The following VPS13C variants were observed in gnomAD, a reference collection of about 807,000 sequenced individuals.
VPS13C encodes vacuolar protein sorting 13 homolog C, also known as intermembrane lipid transfer protein VPS13C.
A neutral mutation model predicts 456.8 loss-of-function variants in VPS13C; 358 were observed. The ratio of observed to expected loss-of-function variants is 0.78; its 90% CI spans 0.72 to 0.86. VPS13C has a LOEUF of 0.86. VPS13C is among the 40% of genes least tolerant of loss of function. The pLI, the probability that VPS13C is intolerant of heterozygous loss-of-function variation, is 0.00. For synonymous variants in VPS13C, 1,578 were observed against 1,486.7 expected, an observed-to-expected ratio of 1.06 and a Z score of -1.41; for missense variants, 4,818 against 4,385.4, an observed-to-expected ratio of 1.10 and a Z score of -2.79.
At chr15:62,028,770 G>A (rs2047721338) in intron 5 of VPS13C, among the ~76,000 whole-genome samples, 1 of 151,924 alleles carries the variant, frequency 6.6e-6, no homozygotes, top group Non-Finnish European at 1.5e-5. Context: ...ATGCCATTTT[G>A]TCCATTTTCA....
chr15:61,924,377 C>T (rs2043772465), intron 53 of VPS13C, among the ~76,000 whole-genome samples: 1 of 152,222 alleles, frequency 6.6e-6, no homozygotes, highest in African/African-American at 2.4e-5. Context: ...GGCCATGCCT[C>T]TAGCACTGAA....
In VPS13C at chr15:62,060,283, A is replaced by C; in HGVS notation, c.92T>G (p.Ile31Ser). ...CGCGCCCTCTCGCTTACCGCCCCAG[A>C]TGCCCAGCTTCAGCTGGGACTTGTT... The part of the protein sequence containing the change: ...NLNKSQLKLG[I>S]WGGNVALDNL... The change falls in exon 1 of 85, where the codon ATC becomes AGC. Residue 31 changes from isoleucine to serine, a missense_variant. Ile to Ser is a moderately radical substitution (Grantham distance 142). Coordinates refer to ENST00000644861, the MANE Select transcript of VPS13C (RefSeq NM_020821.3). 4 of 1,604,906 alleles carry C rather than the reference A, an allele frequency of 2.5e-6. No homozygotes were observed. Among genetic ancestry groups the C allele is most frequent in the Non-Finnish European group, 3.4e-6 (4 of 1,176,318 alleles).
chr15:62,003,034 T>C (rs902154018), intron 15 of VPS13C, among the ~76,000 whole-genome samples: 2 of 152,166 alleles, frequency 1.3e-5, no homozygotes, highest in African/African-American at 4.8e-5. Flanking sequence ...AACTTTAAAG[T>C]AGTTTTTTCC....
intron 37 of VPS13C, among the ~76,000 whole-genome samples, chr15:61,956,153 G>A (rs1055124923): frequency 6.6e-6 from 1 of 152,094 alleles, no homozygotes; most frequent in Non-Finnish European, 1.5e-5. Context: ...CCACAGAAAA[G>A]AATGAAATCA....
At chr15:62,028,975 T>C (rs2047726691) in intron 5 of VPS13C, among the ~76,000 whole-genome samples, 1 of 152,076 alleles carries the variant, frequency 6.6e-6, no homozygotes, top group African/African-American at 2.4e-5. Context: ...TGCAAGTTTT[T>C]CCTTAAATCA....
intron 63 of VPS13C, among the ~76,000 whole-genome samples, chr15:61,910,892 T>A (rs1405685490): frequency 3.3e-5 from 5 of 152,136 alleles, no homozygotes; most frequent in Non-Finnish European, 7.4e-5. Flanking sequence ...GTAAATTCTA[T>A]TTCTGAATAA....
chr15:61,876,924 G>C (rs1895465786), intron 75 of VPS13C, 49 bp downstream of exon 75: 1 of 1,398,340 alleles, frequency 7.2e-7, no homozygotes. Context: ...CAAATGTTTT[G>C]ATATTTTATG....
intron 14 of VPS13C, 32 bp downstream of exon 14, chr15:62,008,623 C>A: frequency 6.8e-7 from 1 of 1,480,896 alleles, no homozygotes; most frequent in Non-Finnish European, 9.3e-7. Flanking sequence ...ATTATATGTT[C>A]CTCACAAAAC....
intron 9 of VPS13C, among the ~76,000 whole-genome samples, chr15:62,017,468 T>C (rs1453611568): frequency 2.6e-5 from 4 of 152,136 alleles, no homozygotes; most frequent in Non-Finnish European, 4.4e-5. Context: ...TTGTATAAGG[T>C]GTAAGGAAGG....
intron 66 of VPS13C, among the ~76,000 whole-genome samples, chr15:61,891,584 T>C (rs1330586767): frequency 6.6e-6 from 1 of 152,240 alleles, no homozygotes; most frequent in Non-Finnish European, 1.5e-5. Context: ...ATCTATTTCA[T>C]GTGAAGTACA....
At chr15:62,043,118 AT>A (rs1468636043) in intron 2 of VPS13C, among the ~76,000 whole-genome samples, 5 of 151,978 alleles carry the variant, frequency 3.3e-5, no homozygotes, top group Non-Finnish European at 7.4e-5. Flanking sequence ...TCAGGTCTAC[AT>A]TTTTGTTTAA....
chr15:61,874,811 TAAC>T (rs1196004728), intron 77 of VPS13C, 62 bp downstream of exon 77: 36 of 1,395,326 alleles, frequency 2.6e-5, no homozygotes, highest in Non-Finnish European at 3.2e-5. Context: ...TTGTTTTTCA[TAAC>T]AACGTATTTC....
chr15:62,023,067 C>T (rs1033013836), intron 8 of VPS13C, among the ~76,000 whole-genome samples: 11 of 151,984 alleles, frequency 7.2e-5, no homozygotes, highest in African/African-American at 2.7e-4. Context: ...TTATTCATCA[C>T]CTTTTAGAAT....
intron 23 of VPS13C, among the ~76,000 whole-genome samples, chr15:61,977,936 G>A (rs2045754661): frequency 6.6e-6 from 1 of 151,950 alleles, no homozygotes; most frequent in Non-Finnish European, 1.5e-5. Context: ...TCCTACTAGA[G>A]TATAAACTCT....
intron 1 of VPS13C, among the ~76,000 whole-genome samples, chr15:62,045,813 G>A (rs1440035191): frequency 6.6e-6 from 1 of 151,972 alleles, no homozygotes; most frequent in Non-Finnish European, 1.5e-5. Context: ...TAAATGTCCA[G>A]GAAGAAGGCA....
chr15:61,966,021 C>A, intron 30 of VPS13C, 62 bp downstream of exon 30: 1 of 1,292,384 alleles, frequency 7.7e-7, no homozygotes, highest in South Asian at 1.4e-5. Context: ...TCAAAGGATA[C>A]TAGAGGCTTT....
intron 82 of VPS13C, chr15:61,856,687 C>CTT (rs542779595): frequency 2.1e-3 from 239 of 114,736 alleles, no homozygotes; most frequent in Middle Eastern, 5.6e-3. Flanking sequence ...TTTTTCTTTT[C>CTT]TTTTTTTTTT....
At chr15:62,045,579 A>C (rs866389086) in intron 1 of VPS13C, among the ~76,000 whole-genome samples, 1 of 152,200 alleles carries the variant, frequency 6.6e-6, no homozygotes, top group Non-Finnish European at 1.5e-5. Flanking sequence ...CAAGGGCCAG[A>C]CTAATGAAGA....
chr15:61,970,524 G>T (rs763867781), intron 27 of VPS13C, among the ~76,000 whole-genome samples: 7 of 152,124 alleles, frequency 4.6e-5, no homozygotes, highest in Admixed American at 1.3e-4. Context: ...GGCCAAGTGC[G>T]GTGGCTCATG....
Sources: gnomAD v4.1 joint callset for allele counts (sites outside exome capture counted in the v4.1 genomes callset) on GRCh38, gnomAD v4.1.1 for gene constraint, MANE v1.5 for transcripts, NCBI Gene and HGNC (gene_info 2026-07-23, HGNC 2026-07-21) for gene names.